Variants in OPCML observed in about 807,000 individuals in gnomAD.
OPCML encodes opioid-binding protein/cell adhesion molecule.
Under a neutral mutation model 37.8 loss-of-function variants are expected in OPCML, and 13 were observed. That is an observed-to-expected ratio of 0.34 (90% CI 0.22 to 0.55). The LOEUF (loss-of-function observed/expected upper bound fraction) is 0.55, where lower values mean the gene tolerates loss of function less well. Among genes scored for constraint, OPCML ranks in the 20% least tolerant of loss-of-function variants. The probability of loss-of-function intolerance (pLI) is 0.91; values close to 1 mark genes in which losing one functional copy is unlikely to be tolerated. For missense variants in OPCML, 341 were observed against 435.6 expected (o/e 0.78, Z 1.93); for synonymous variants, 176 against 168.8 (o/e 1.04, Z -0.33).
At chr11:133,043,744 A>AAAAAAGGGG (rs1947952913) in intron 1 of OPCML, among the ~76,000 whole-genome samples, 1 of 152,190 alleles carries the variant, frequency 6.6e-6, no homozygotes, top group African/African-American at 2.4e-5. Flanking sequence ...AAGTGCAGGA[A>AAAAAAGGGG]AAAAAGGGGG....
chr11:132,570,065 A>G (rs1182651726), intron 3 of OPCML, among the ~76,000 whole-genome samples: 1 of 152,218 alleles, frequency 6.6e-6, no homozygotes, highest in Non-Finnish European at 1.5e-5. Context: ...TATTATAATC[A>G]TAAACATAAT....
At chr11:132,468,593 G>T (rs2096126490) in intron 4 of OPCML, among the ~76,000 whole-genome samples, 1 of 152,218 alleles carries the variant, frequency 6.6e-6, no homozygotes, top group South Asian at 2.1e-4. Flanking sequence ...TAAAAAAATT[G>T]ATTCTTTCAG....
chr11:133,084,539 T>A (rs1948790384), intron 1 of OPCML, among the ~76,000 whole-genome samples: 1 of 152,180 alleles, frequency 6.6e-6, no homozygotes, highest in Non-Finnish European at 1.5e-5. Context: ...CACTTCCTCC[T>A]TTAAAATGAA....
intron 1 of OPCML, chr11:133,420,989 T>C (rs913820749): frequency 1.0e-6 from 1 of 985,378 alleles, no homozygotes; most frequent in Non-Finnish European, 1.2e-6. Context: ...GAAAAAAAGC[T>C]GCAGGAGCCT....
chr11:133,171,418 A>G (rs1345662967), intron 1 of OPCML, among the ~76,000 whole-genome samples: 1 of 152,200 alleles, frequency 6.6e-6, no homozygotes, highest in African/African-American at 2.4e-5. Context: ...ACCGTGTGCC[A>G]CATCAGTCCC....
intron 1 of OPCML, among the ~76,000 whole-genome samples, chr11:133,059,386 A>T (rs187722019): frequency 6.6e-6 from 1 of 152,192 alleles, no homozygotes; most frequent in South Asian, 2.1e-4. Context: ...ACATTAGGAC[A>T]TTATTTGCCT....
At chr11:133,483,365 A>AG (rs1947423992) in intron 1 of OPCML, among the ~76,000 whole-genome samples, 1 of 151,852 alleles carries the variant, frequency 6.6e-6, no homozygotes, top group African/African-American at 2.4e-5. Flanking sequence ...ATAGATAGCT[A>AG]ATAGATAGAT....
intron 4 of OPCML, among the ~76,000 whole-genome samples, chr11:132,519,235 T>A (rs2096286841): frequency 6.6e-6 from 1 of 152,120 alleles, no homozygotes; most frequent in Non-Finnish European, 1.5e-5. Flanking sequence ...ACTTATTTCT[T>A]AGTGAGGGTT....
intron 1 of OPCML, among the ~76,000 whole-genome samples, chr11:133,017,447 G>A (rs1453973337): frequency 6.6e-6 from 1 of 151,808 alleles, no homozygotes; most frequent in Non-Finnish European, 1.5e-5. Context: ...ACCCAGGCTG[G>A]AGTGCAATAG....
Position 133,208,489 on chromosome 11 carries a change from T to C in OPCML, c.62-265479A>G, listed in dbSNP as rs570968706. 2.1e-3 allele frequency among the ~76,000 whole-genome samples: 316 copies of C among 152,328 alleles called. 1 individual carries two copies. The highest frequency in any genetic ancestry group is 3.6e-3 in the Non-Finnish European group (242 of 68,032). ...ATCTCTCAATTTTTGCATGAATAGA[T>C]TTGGATAATAAAGTGCAATGAAGTA... On this transcript the variant is annotated intron_variant, in intron 1 of 7. Transcript: ENST00000524381. The surrounding 1 kb of genome is among the most constrained non-coding windows in gnomAD (Gnocchi z 8.9).
chr11:132,863,673 C>T (rs1942403080), intron 2 of OPCML, among the ~76,000 whole-genome samples: 2 of 152,180 alleles, frequency 1.3e-5, no homozygotes, highest in Admixed American at 1.3e-4. Flanking sequence ...TGGGTTAAAA[C>T]TGGCCATAGA....
chr11:133,079,105 C>T (rs1418551862), intron 1 of OPCML, among the ~76,000 whole-genome samples: 1 of 152,144 alleles, frequency 6.6e-6, no homozygotes, highest in Non-Finnish European at 1.5e-5. Context: ...CATACACGCC[C>T]GCCTGAATTG....
chr11:133,281,697 TG>T (rs1819523916), intron 1 of OPCML, among the ~76,000 whole-genome samples: 1 of 151,436 alleles, frequency 6.6e-6, no homozygotes, highest in Non-Finnish European at 1.5e-5. Context: ...GACAGGAAGA[TG>T]AGGAGAAGTT....
At chr11:133,167,448 G>T (rs1431775) in intron 1 of OPCML, among the ~76,000 whole-genome samples, 1 of 151,360 alleles carries the variant, frequency 6.6e-6, no homozygotes, top group Non-Finnish European at 1.5e-5. Flanking sequence ...TTCTAATTTG[G>T]GCCAAAATCT....
intron 1 of OPCML, among the ~76,000 whole-genome samples, chr11:133,140,904 CGACGAAGAA>C (rs1949789540): frequency 2.4e-4 from 1 of 4,226 alleles, no homozygotes; most frequent in African/African-American, 3.3e-4. Flanking sequence ...AAGACGACGA[CGACGAAGAA>C]GAAGAAGACG....
intron 1 of OPCML, among the ~76,000 whole-genome samples, chr11:133,046,878 C>T (rs754129353): frequency 1.6e-4 from 25 of 152,164 alleles, no homozygotes; most frequent in Admixed American, 7.9e-4. Context: ...CAGTGACACC[C>T]CTGCTGCCTT....
intron 4 of OPCML, among the ~76,000 whole-genome samples, chr11:132,512,524 T>TA (rs1311798395): frequency 6.6e-6 from 1 of 151,688 alleles, no homozygotes; most frequent in Non-Finnish European, 1.5e-5. Context: ...CACTTAGCAA[T>TA]AAAAAAACCA....
intron 1 of OPCML, among the ~76,000 whole-genome samples, chr11:133,296,547 G>A (rs1341218924): frequency 6.6e-6 from 1 of 152,182 alleles, no homozygotes; most frequent in Non-Finnish European, 1.5e-5. Flanking sequence ...CAAAGAAAAT[G>A]TTAATTTCAT....
At chr11:133,326,125 T>C (rs1943441885) in intron 1 of OPCML, among the ~76,000 whole-genome samples, 1 of 152,016 alleles carries the variant, frequency 6.6e-6, no homozygotes, top group Non-Finnish European at 1.5e-5. Context: ...CTTGCTGCTT[T>C]ATTTTCTTGT....
Sources: gnomAD v4.1 joint callset for allele counts (sites outside exome capture counted in the v4.1 genomes callset) on GRCh38, gnomAD v4.1.1 for gene constraint, Gnocchi (gnomAD v3.1) non-coding constraint, MANE v1.5 for transcripts, NCBI Gene and HGNC (gene_info 2026-07-23, HGNC 2026-07-21) for gene names.